Variants in SORCS2 observed in about 807,000 individuals in gnomAD.
The protein encoded by SORCS2 is VPS10 domain-containing receptor SorCS2.
Under a neutral mutation model 141.6 loss-of-function variants are expected in SORCS2, and 100 were observed. The ratio of observed to expected loss-of-function variants is 0.71; its 90% CI spans 0.60 to 0.83. The LOEUF is 0.83. Among genes scored for constraint, SORCS2 ranks in the 40% least tolerant of loss-of-function variants. The pLI is 0.00. For missense variants in SORCS2, 1,646 were observed against 1,560.2 expected, an observed-to-expected ratio of 1.05 and a Z score of -0.93; for synonymous variants, 789 against 676.9, an observed-to-expected ratio of 1.17 and a Z score of -2.57.
chr4:7,329,483 T>C (rs1719503945), intron 1 of SORCS2, among the ~76,000 whole-genome samples: 1 of 152,202 alleles, frequency 6.6e-6, no homozygotes, highest in Non-Finnish European at 1.5e-5. Context: ...CCTGAGATGC[T>C]GGACGTGGCC....
intron 3 of SORCS2, among the ~76,000 whole-genome samples, chr4:7,575,202 T>G (rs1304876084): frequency 6.6e-6 from 1 of 152,202 alleles, no homozygotes; most frequent in African/African-American, 2.4e-5. Flanking sequence ...TGGCACTCTC[T>G]GGGCTCAGTT....
chr4:7,515,099 C>T (rs1042299321), intron 2 of SORCS2, among the ~76,000 whole-genome samples: 4 of 152,208 alleles, frequency 2.6e-5, no homozygotes, highest in African/African-American at 9.7e-5. Flanking sequence ...AGGGGACCCA[C>T]CACATCCCAG....
At chr4:7,734,572 G>T (rs139972440) in intron 25 of SORCS2, among the ~76,000 whole-genome samples, 198 bp downstream of exon 25, 1 of 152,164 alleles carries the variant, frequency 6.6e-6, no homozygotes, top group East Asian at 1.9e-4. Flanking sequence ...TGGAAGAGAC[G>T]GCCGCCACTC....
intron 3 of SORCS2, among the ~76,000 whole-genome samples, chr4:7,609,970 G>A (rs988801878): frequency 2.0e-5 from 3 of 152,184 alleles, no homozygotes; most frequent in Non-Finnish European, 2.9e-5. Context: ...TGCTCGGGGC[G>A]GATAGCGCCA....
chr4:7,490,499 C>G (rs1457930117), intron 2 of SORCS2, among the ~76,000 whole-genome samples: 1 of 136,594 alleles, frequency 7.3e-6, no homozygotes, highest in Non-Finnish European at 1.6e-5. Flanking sequence ...TGCTAGCACC[C>G]CAGAATTGCC....
intron 25 of SORCS2, among the ~76,000 whole-genome samples, chr4:7,736,698 T>C (rs994172265): frequency 2.0e-5 from 3 of 152,238 alleles, no homozygotes; most frequent in Admixed American, 6.5e-5. Flanking sequence ...TGCGGGAATG[T>C]GTGCCCAGCC....
At chr4:7,689,413 G>A in intron 10 of SORCS2, 73 bp from the exon 11 acceptor site, 2 of 1,434,464 alleles carry the variant, frequency 1.4e-6, no homozygotes, top group African/African-American at 1.4e-5. Context: ...GGGCAGATTT[G>A]TCATCAGGCT....
chr4:7,712,899 C>T, intron 15 of SORCS2, 46 bp downstream of exon 15: 9 of 1,605,144 alleles, frequency 5.6e-6, no homozygotes, highest in Non-Finnish European at 7.7e-6. Context: ...GTACAGACTG[C>T]AAACACAGGC....
intron 3 of SORCS2, among the ~76,000 whole-genome samples, chr4:7,549,446 G>A (rs1713518324): frequency 6.6e-6 from 1 of 151,800 alleles, no homozygotes; most frequent in African/African-American, 2.4e-5. Context: ...GCAGGGAGTG[G>A]ATCCCCCAAG....
Position 7,648,536 on chromosome 4 carries a change from C to G in SORCS2, c.814-5598C>G, listed in dbSNP as rs1721230456. ...CAGGAGCTGGGGCAACTGCTGGGAA[C>G]AAAACAGACCAACCCCTGCCCTCGT... On this transcript the variant is annotated intron_variant, in intron 4 of 26. Transcript: ENST00000507866. This position sits in a 1 kb window ranked among gnomAD's most constrained non-coding sequence, Gnocchi z 4.2. 6.6e-6 allele frequency among the ~76,000 whole-genome samples: 1 copy of G among 152,050 alleles called. No individual in the cohort carries two copies.
At chr4:7,376,185 C>A (rs1722639237) in intron 1 of SORCS2, among the ~76,000 whole-genome samples, 1 of 151,750 alleles carries the variant, frequency 6.6e-6, no homozygotes, top group African/African-American at 2.4e-5. Context: ...GCCATGGGAG[C>A]AAACAGGATC....
At chr4:7,676,824 T>TCCCTCTCTCC (rs1553902879) in intron 9 of SORCS2, among the ~76,000 whole-genome samples, 1 of 49,078 alleles carries the variant, frequency 2.0e-5, no homozygotes, top group African/African-American at 8.9e-5. Flanking sequence ...TCTCTCTCTC[T>TCCCTCTCTCC]CTCTCCCTCT....
chr4:7,733,516 G>T, intron 24 of SORCS2, 95 bp downstream of exon 24: 1 of 996,004 alleles, frequency 1.0e-6, no homozygotes, highest in Non-Finnish European at 1.5e-6. Flanking sequence ...CAGATGGCCC[G>T]TATCCCCCTC....
At chr4:7,359,167 A>T (rs1025448302) in intron 1 of SORCS2, among the ~76,000 whole-genome samples, 1 of 152,332 alleles carries the variant, frequency 6.6e-6, no homozygotes, top group African/African-American at 2.4e-5. Context: ...GTGATGGTGC[A>T]TGCCTGTAGT....
At position 7,648,560 on chromosome 4, in the gene SORCS2, G is replaced by A. The variant is rs144788755; in HGVS notation, c.814-5574G>A. Among the ~76,000 whole-genome samples the A allele has an allele frequency of 4.6e-5, 7 of 152,234 alleles. No individual in the cohort carries two copies. The highest frequency in any genetic ancestry group is 3.9e-4 in the East Asian group (2 of 5,154). On this transcript the variant is annotated intron_variant, in intron 4 of 26. Transcript: ENST00000507866. This position sits in a 1 kb window ranked among gnomAD's most constrained non-coding sequence, Gnocchi z 4.2. ...ACAAAACAGACCAACCCCTGCCCTCGTGGGGCCTCCTTTCTAGATGAGGAT... is the reference window on the plus strand; with the variant it reads ...ACAAAACAGACCAACCCCTGCCCTCATGGGGCCTCCTTTCTAGATGAGGAT...
intron 2 of SORCS2, among the ~76,000 whole-genome samples, chr4:7,483,378 CAG>C (rs1263729728): frequency 6.7e-6 from 1 of 150,068 alleles, no homozygotes; most frequent in Non-Finnish European, 1.5e-5. Flanking sequence ...ATGAAGTGGG[CAG>C]AGAGTAGCGT....
In SORCS2 at chr4:7,229,843, A is replaced by C. The variant is rs1251227763; in HGVS notation, c.480+36717A>C. ...GTCATGCTCGTGTATGAAGGAGATG[A>C]AGATGGTCAAGTCTTCGAGTGTCTG... On this transcript the variant is annotated intron_variant, in intron 1 of 26. Coordinates refer to ENST00000507866, the MANE Select transcript of SORCS2 (RefSeq NM_020777.3). Among the ~76,000 whole-genome samples the C allele has an allele frequency of 5.8e-5, 8 of 138,990 alleles. No homozygotes were observed. In the Admixed American group the frequency reaches 6.0e-4, roughly 10 times the overall value. 91.2% of individuals were successfully genotyped at this position (138,990 alleles called of 152,430 possible).
intron 19 of SORCS2, among the ~76,000 whole-genome samples, 170 bp from the exon 20 acceptor site, chr4:7,724,982 AAT>A (rs1727101428): frequency 1.1e-5 from 1 of 92,006 alleles, no homozygotes; most frequent in Non-Finnish European, 2.2e-5. Context: ...TGTTGGTGGG[AAT>A]GGATGGTGGT....
Position 7,193,380 on chromosome 4 carries a change from A to T in SORCS2, c.480+254A>T, listed in dbSNP as rs909203887. 2.0e-5 allele frequency among the ~76,000 whole-genome samples: 3 copies of T among 152,064 alleles called. No homozygotes were observed. The highest frequency in any genetic ancestry group is 7.2e-5 in the African/African-American group (3 of 41,414). On this transcript the variant is annotated intron_variant, in intron 1 of 26. Coordinates refer to ENST00000507866, the MANE Select transcript of SORCS2 (RefSeq NM_020777.3). This position sits in a 1 kb window ranked among gnomAD's most constrained non-coding sequence, Gnocchi z 4.8. ...CCCGCAGATTTCGGGATCCTGGGCC[A>T]CCTCCGATACTCCCCCACTGGCCTC...
Sources: allele counts gnomAD v4.1 joint callset (sites outside exome capture counted in the v4.1 genomes callset), GRCh38; gene constraint gnomAD v4.1.1; non-coding constraint Gnocchi (gnomAD v3.1); transcripts MANE v1.5; gene names NCBI Gene and HGNC (gene_info 2026-07-23, HGNC 2026-07-21).